ADAMTSL3: variants seen among roughly 807,000 people sequenced by gnomAD.
ADAMTSL3 encodes ADAMTS like 3.
ADAMTSL3 carries 128 observed loss-of-function variants against 201.7 expected under a neutral mutation model. The observed-to-expected ratio is 0.63, with a 90% CI of 0.55 to 0.73. ADAMTSL3 has a LOEUF of 0.73. Among genes scored for constraint, ADAMTSL3 ranks in the 30% least tolerant of loss-of-function variants. The probability of loss-of-function intolerance (pLI) is 0.00; values close to 1 mark genes in which losing one functional copy is unlikely to be tolerated. For missense variants in ADAMTSL3, 1,990 were observed against 2,119.6 expected (o/e 0.94, Z 1.20); for synonymous variants, 738 against 748.4 (o/e 0.99, Z 0.23).
At chr15:83,756,608 CCA>C (rs2062724469) in intron 3 of ADAMTSL3, among the ~76,000 whole-genome samples, 1 of 151,384 alleles carries the variant, frequency 6.6e-6, no homozygotes, top group Non-Finnish European at 1.5e-5. Flanking sequence ...TGCCCCCCCC[CCA>C]AATCTCATGT....
chr15:83,948,060 T>C (rs1432676856), intron 19 of ADAMTSL3, among the ~76,000 whole-genome samples: 2 of 152,152 alleles, frequency 1.3e-5, no homozygotes, highest in Non-Finnish European at 2.9e-5. Context: ...TTAATATATC[T>C]AATATGCTAA....
chr15:83,685,941 C>T (rs1248047675), intron 2 of ADAMTSL3, among the ~76,000 whole-genome samples: 1 of 152,166 alleles, frequency 6.6e-6, no homozygotes, highest in Non-Finnish European at 1.5e-5. Context: ...CTGTGACTTC[C>T]CCCGGTACGT....
intron 4 of ADAMTSL3, among the ~76,000 whole-genome samples, chr15:83,787,339 T>TA (rs1387903867): frequency 6.6e-6 from 1 of 152,226 alleles, no homozygotes; most frequent in Non-Finnish European, 1.5e-5. Context: ...TGATGTATGG[T>TA]ATAAATTTAA....
chr15:83,762,910 A>T (rs1182110591), intron 3 of ADAMTSL3, among the ~76,000 whole-genome samples: 2 of 149,750 alleles, frequency 1.3e-5, no homozygotes, highest in Admixed American at 1.3e-4. Context: ...TTTTTGAGAT[A>T]GAGTCTCACT....
chr15:83,714,814 C>CTT (rs1160206727), intron 3 of ADAMTSL3, among the ~76,000 whole-genome samples: 22 of 104,088 alleles, frequency 2.1e-4, no homozygotes, highest in Admixed American at 7.9e-4. Context: ...TTTCTTCTTT[C>CTT]TTTCTTTCCT....
intron 23 of ADAMTSL3, among the ~76,000 whole-genome samples, chr15:83,995,161 G>A (rs531078068): frequency 6.8e-4 from 104 of 152,234 alleles, no homozygotes; most frequent in African/African-American, 2.4e-3. Flanking sequence ...TTGGGTCGGC[G>A]GAGACAGATT....
chr15:83,654,803 G>C lies in ADAMTSL3; in HGVS notation c.-34+527G>C, dbSNP rs917161989. Reference sequence around the variant, plus strand: ...GCTGGTGCGAGCAGGCGAGGGTGGCGCAGAGTCCCAGGGCCCCGCACTGGC... The same window carrying C: ...GCTGGTGCGAGCAGGCGAGGGTGGCCCAGAGTCCCAGGGCCCCGCACTGGC... On this transcript the variant is annotated intron_variant, in intron 1 of 29. Transcript: ENST00000286744. The surrounding 1 kb of genome is among the most constrained non-coding windows in gnomAD (Gnocchi z 5.3). Among the ~76,000 whole-genome samples, 4 of 152,130 alleles carry C rather than the reference G, an allele frequency of 2.6e-5. No individual in the cohort carries two copies. The highest frequency in any genetic ancestry group is 4.4e-5 in the Non-Finnish European group (3 of 68,012).
At chr15:83,995,940 C>T (rs533351188) in intron 23 of ADAMTSL3, among the ~76,000 whole-genome samples, 40 of 152,040 alleles carry the variant, frequency 2.6e-4, no homozygotes, top group African/African-American at 8.7e-4. Flanking sequence ...GAACAGAATG[C>T]GGAGCCCACA....
At position 84,010,107 on chromosome 15, in the gene ADAMTSL3, A is replaced by G. The variant is rs138555772; in HGVS notation, c.3974-4435A>G. Among the ~76,000 whole-genome samples the G allele has an allele frequency of 2.0e-5, 3 of 152,376 alleles. No homozygotes were observed. In the East Asian group the frequency reaches 5.8e-4, roughly 29 times the overall value. ...CTATGAATTGCTTTTAGAAATGTTC[A>G]GTCATTTAAGCGAGAATTGCTTAGG... is the stretch of plus-strand genomic sequence containing the variant. On this transcript the variant is annotated intron_variant, in intron 23 of 29. Coordinates refer to ENST00000286744, the MANE Select transcript of ADAMTSL3 (RefSeq NM_207517.3).
Position 83,747,117 on chromosome 15 carries a change from AGAT to A in ADAMTSL3, c.190-26402_190-26400del, listed in dbSNP as rs537778806. ...GATGGGGTTTAAGAGAAGGCTGCCC[AGAT>A]GATATGGTGTTAGGTGTCACTTGGA... On this transcript the variant is annotated intron_variant, in intron 3 of 29. Transcript: ENST00000286744. Among the ~76,000 whole-genome samples the A allele has an allele frequency of 7.2e-5, 11 of 152,318 alleles. No individual in the cohort carries two copies. The South Asian group carries it at 2.1e-3, about 29-fold the overall frequency.
intron 3 of ADAMTSL3, among the ~76,000 whole-genome samples, chr15:83,756,812 T>TA (rs1235457773): frequency 6.6e-6 from 1 of 152,172 alleles, no homozygotes; most frequent in East Asian, 1.9e-4. Flanking sequence ...ATTGGGTAAA[T>TA]ACACCATTCC....
intron 3 of ADAMTSL3, among the ~76,000 whole-genome samples, chr15:83,733,528 T>C (rs1385219949): frequency 6.6e-6 from 1 of 152,134 alleles, no homozygotes; most frequent in East Asian, 1.9e-4. Flanking sequence ...GTGCATTACA[T>C]GGGTGGAATT....
chr15:83,849,379 A>G (rs996410600), intron 7 of ADAMTSL3, among the ~76,000 whole-genome samples: 28 of 151,556 alleles, frequency 1.8e-4, no homozygotes, highest in Admixed American at 1.8e-3. Context: ...TCCTACCTTA[A>G]CCTCCCAAAG....
At chr15:83,804,598 G>A (rs1422235889) in intron 4 of ADAMTSL3, 52 bp from the exon 5 acceptor site, 14 of 958,510 alleles carry the variant, frequency 1.5e-5, no homozygotes, top group Admixed American at 6.7e-5. Flanking sequence ...TTTAATGCTT[G>A]CCTCTTCTAT....
At chr15:83,999,919 G>A (rs2067761079) in intron 23 of ADAMTSL3, among the ~76,000 whole-genome samples, 1 of 152,102 alleles carries the variant, frequency 6.6e-6, no homozygotes, top group Non-Finnish European at 1.5e-5. Context: ...TGGTGCAGCA[G>A]GATTATGTGG....
chr15:84,037,696 G>T lies in ADAMTSL3; in HGVS notation c.4970-4G>T. The stretch of plus-strand genomic sequence containing the variant: ...TGTTACAGATATTTGTTTCTTTTTT[G>T]CAGGAGACTGCACAGACACAACTCA... On this transcript the variant is annotated splice_polypyrimidine_tract_variant and splice_region_variant and intron_variant, in intron 29 of 29. Transcript: ENST00000286744. The T allele has an allele frequency of 6.3e-7, 1 of 1,585,606 alleles. No homozygotes were observed. The highest frequency in any genetic ancestry group is 1.4e-5 in the African/African-American group (1 of 73,000).
chr15:83,842,275 G>C (rs1228729804), intron 7 of ADAMTSL3, among the ~76,000 whole-genome samples: 1 of 151,976 alleles, frequency 6.6e-6, no homozygotes, highest in African/African-American at 2.4e-5. Context: ...CTGCGATACC[G>C]AAAGCCCTCT....
intron 7 of ADAMTSL3, among the ~76,000 whole-genome samples, chr15:83,850,148 C>T (rs1420533327): frequency 6.6e-6 from 1 of 152,054 alleles, no homozygotes; most frequent in Non-Finnish European, 1.5e-5. Context: ...GAGACCTCGC[C>T]CTGCAGCTGC....
intron 10 of ADAMTSL3, among the ~76,000 whole-genome samples, chr15:83,887,421 A>G (rs1344131771): frequency 2.6e-5 from 4 of 152,236 alleles, no homozygotes; most frequent in Non-Finnish European, 5.9e-5. Context: ...TAATACAGTG[A>G]AAACAAACCA....
Sources: gnomAD v4.1 joint callset for allele counts (sites outside exome capture counted in the v4.1 genomes callset) on GRCh38, gnomAD v4.1.1 for gene constraint, Gnocchi (gnomAD v3.1) non-coding constraint, MANE v1.5 for transcripts, NCBI Gene and HGNC (gene_info 2026-07-23, HGNC 2026-07-21) for gene names.